The following IL12RB2 variants were observed in gnomAD, a reference collection of about 807,000 sequenced individuals.
The protein encoded by IL12RB2 is interleukin-12 receptor subunit beta-2.
In IL12RB2, 82 loss-of-function variants were observed where a neutral mutation model predicts 89.4. That is an observed-to-expected ratio of 0.92 (90% CI 0.77 to 1.10). The LOEUF (loss-of-function observed/expected upper bound fraction) is 1.10. Among genes scored for constraint, IL12RB2 ranks in the 50% least tolerant of loss-of-function variants. IL12RB2 has a pLI of 0.00. For missense variants in IL12RB2, 963 were observed against 1,031.9 expected (o/e 0.93, Z 0.92); for synonymous variants, 368 against 370.1 (o/e 0.99, Z 0.07).
At chr1:67,339,486 C>CAA (rs200086991) in intron 9 of IL12RB2, among the ~76,000 whole-genome samples, 37 of 77,358 alleles carry the variant, frequency 4.8e-4, no homozygotes, top group Non-Finnish European at 8.8e-4. Context: ...GACTACGTTT[C>CAA]AAAAAAAAAA....
At chr1:67,333,632 G>A (rs967114045) in intron 8 of IL12RB2, among the ~76,000 whole-genome samples, 11 of 152,228 alleles carry the variant, frequency 7.2e-5, no homozygotes, top group African/African-American at 2.6e-4. Context: ...CGAAAAGTAA[G>A]GGATAGGAGG....
intron 11 of IL12RB2, among the ~76,000 whole-genome samples, chr1:67,372,067 C>CGTGTGTGT (rs112351422): frequency 6.6e-6 from 1 of 151,302 alleles, no homozygotes; most frequent in South Asian, 2.1e-4. Flanking sequence ...AGTCTGGGTG[C>CGTGTGTGT]GTGTGTGTGT....
chr1:67,323,388 C>T (rs973966040), intron 4 of IL12RB2, among the ~76,000 whole-genome samples: 2 of 152,206 alleles, frequency 1.3e-5, no homozygotes, highest in African/African-American at 4.8e-5. Context: ...TGGCAGTGTA[C>T]TTTAGACAAC....
intron 10 of IL12RB2, among the ~76,000 whole-genome samples, chr1:67,364,933 A>G (rs1196312187): frequency 6.6e-6 from 1 of 152,244 alleles, no homozygotes; most frequent in Non-Finnish European, 1.5e-5. Context: ...TAACAAATTT[A>G]AAAGAATAGA....
intron 13 of IL12RB2, among the ~76,000 whole-genome samples, chr1:67,375,916 G>C (rs532844867): frequency 6.7e-6 from 1 of 148,204 alleles, no homozygotes; most frequent in South Asian, 2.1e-4. Context: ...GCGCGATCTC[G>C]GCTCACTGCA....
rs1489098375 is a variant in IL12RB2 at position 67,367,869 on chromosome 1, G to A, written c.1303G>A (p.Asp435Asn). 6.2e-7 allele frequency: 1 copy of A among 1,610,120 alleles called. No individual in the cohort carries two copies. The highest frequency in any genetic ancestry group is 8.5e-7 in the Non-Finnish European group (1 of 1,176,368). Residue 435 changes from aspartate to asparagine, a missense_variant, in exon 11 of 17, where the codon GAC becomes AAC. By Grantham distance (23) the Asp-to-Asn change is conservative (BLOSUM62 1). Transcript: ENST00000674203. ...RQVSANSEGMDNILVTWQPPR... is the reference protein window; with the variant it reads ...RQVSANSEGMNNILVTWQPPR... Reference sequence around the variant, plus strand: ...GGTCTCTGCAAACTCAGAGGGCATGGACAACATTCTGGTGACTTGGCAGCC... The same window carrying A: ...GGTCTCTGCAAACTCAGAGGGCATGAACAACATTCTGGTGACTTGGCAGCC...
chr1:67,395,622 A>G lies in IL12RB2; in HGVS notation c.2122A>G (p.Ser708Gly), dbSNP rs1666295432. 1.2e-6 allele frequency: 2 copies of G among 1,614,238 alleles called. No homozygotes were observed. Among genetic ancestry groups the G allele is most frequent in the Admixed American group, 1.7e-5 (1 of 60,030 alleles). ...TGAAGATCCTGAACCGCTGGTCATC[A>G]GTGAAGTCCTTCATCAAGTGACCCC... ...TPEDPEPLVI[S>G]EVLHQVTPVF... The change falls in exon 17 of 17, where the codon AGT becomes GGT. Residue 708 changes from serine to glycine, a missense_variant. Ser to Gly is a moderately conservative substitution (Grantham distance 56). Transcript: ENST00000674203.
At chr1:67,344,011 G>A (rs1659948746) in intron 9 of IL12RB2, among the ~76,000 whole-genome samples, 1 of 152,346 alleles carries the variant, frequency 6.6e-6, no homozygotes, top group East Asian at 1.9e-4. Flanking sequence ...AGTCCAGCAA[G>A]AGGACAGGAG....
At chr1:67,342,214 TTTTG>T (rs1487093200) in intron 9 of IL12RB2, among the ~76,000 whole-genome samples, 1 of 150,802 alleles carries the variant, frequency 6.6e-6, no homozygotes, top group Non-Finnish European at 1.5e-5. Flanking sequence ...TTTGGGTTTT[TTTTG>T]TTTTTTTTTG....
chr1:67,333,150 T>C (rs1263377809), intron 8 of IL12RB2, among the ~76,000 whole-genome samples: 2 of 152,232 alleles, frequency 1.3e-5, no homozygotes, highest in East Asian at 3.8e-4. Context: ...GCTTCCTTTC[T>C]GTCTCTGAAT....
intron 5 of IL12RB2, 59 bp from the exon 6 acceptor site, chr1:67,328,141 T>C (rs1291487631): frequency 2.6e-6 from 3 of 1,148,742 alleles, no homozygotes; most frequent in Non-Finnish European, 4.0e-6. Context: ...TCTTTTCTAC[T>C]GTAAGTAGAA....
intron 13 of IL12RB2, among the ~76,000 whole-genome samples, chr1:67,377,699 T>A (rs1664127206): frequency 1.8e-5 from 2 of 108,130 alleles, no homozygotes; most frequent in Non-Finnish European, 3.5e-5. Flanking sequence ...CCCCCACCCA[T>A]TTTTTTCCTT....
At chr1:67,372,392 C>A in intron 11 of IL12RB2, 44 bp from the exon 12 acceptor site, 1 of 1,015,406 alleles carries the variant, frequency 9.8e-7, no homozygotes, top group Non-Finnish European at 1.6e-6. Flanking sequence ...TAGTGACTCA[C>A]CAGTAATGGC....
At chr1:67,370,638 C>T (rs1039674044) in intron 11 of IL12RB2, among the ~76,000 whole-genome samples, 5 of 151,966 alleles carry the variant, frequency 3.3e-5, no homozygotes, top group Non-Finnish European at 7.4e-5. Context: ...GGAAATGAGT[C>T]GGAAATTGCG....
At chr1:67,311,225 G>A (rs1655013101) in intron 1 of IL12RB2, among the ~76,000 whole-genome samples, 1 of 152,188 alleles carries the variant, frequency 6.6e-6, no homozygotes, top group Admixed American at 6.5e-5. Context: ...CGTAAACATG[G>A]TTCAATGCCT....
intron 9 of IL12RB2, among the ~76,000 whole-genome samples, chr1:67,350,388 G>A (rs1660696477): frequency 6.6e-6 from 1 of 152,206 alleles, no homozygotes; most frequent in Non-Finnish European, 1.5e-5. Context: ...TTTAGCTCTT[G>A]AAAATCTTCT....
intron 14 of IL12RB2, among the ~76,000 whole-genome samples, chr1:67,386,254 A>G (rs1044956098): frequency 6.1e-5 from 9 of 148,054 alleles, no homozygotes; most frequent in African/African-American, 2.0e-4. Flanking sequence ...ACTGAAGTCC[A>G]CAGATTACAC....
At chr1:67,392,623 C>CTTT (rs527587132) in intron 16 of IL12RB2, among the ~76,000 whole-genome samples, 22 of 84,270 alleles carry the variant, frequency 2.6e-4, no homozygotes, top group South Asian at 5.7e-4. Flanking sequence ...TTTTAGATAT[C>CTTT]TTTTTTTTTT....
chr1:67,347,592 A>C (rs1043235471), intron 9 of IL12RB2, among the ~76,000 whole-genome samples: 9 of 152,322 alleles, frequency 5.9e-5, no homozygotes, highest in Admixed American at 5.9e-4. Flanking sequence ...TTCACTCTTC[A>C]GTTCTCAGAC....
Sources: allele counts gnomAD v4.1 joint callset (sites outside exome capture counted in the v4.1 genomes callset), GRCh38; gene constraint gnomAD v4.1.1; transcripts MANE v1.5; gene names NCBI Gene and HGNC (gene_info 2026-07-23, HGNC 2026-07-21).